Variants in BCKDHB observed in about 807,000 individuals in gnomAD.
BCKDHB encodes 2-oxoisovalerate dehydrogenase subunit beta, mitochondrial.
BCKDHB carries 41 observed loss-of-function variants against 48.5 expected under a neutral mutation model. That is an observed-to-expected ratio of 0.85 (90% confidence interval 0.66 to 1.10). The LOEUF (loss-of-function observed/expected upper bound fraction) is 1.10. Ranked by LOEUF, BCKDHB falls within the 50% of genes least tolerant of loss-of-function variation. The probability of loss-of-function intolerance (pLI) is 0.00; values close to 1 mark genes in which losing one functional copy is unlikely to be tolerated. For synonymous variants in BCKDHB, 201 were observed against 174.8 expected, an observed-to-expected ratio of 1.15 and a Z score of -1.18; for missense variants, 496 against 494.2, an observed-to-expected ratio of 1.00 and a Z score of -0.03.
At chr6:80,136,512 AAT>A (rs1479452040) in intron 3 of BCKDHB, among the ~76,000 whole-genome samples, 2 of 152,172 alleles carry the variant, frequency 1.3e-5, no homozygotes, top group Non-Finnish European at 2.9e-5. Context: ...CTTAGAAGAA[AAT>A]GTAGGGGAAA....
the BCKDHB span, among the ~76,000 whole-genome samples, chr6:80,434,672 G>A: frequency 6.6e-6 from 1 of 152,016 alleles, no homozygotes. Flanking sequence ...TTAGGGCTTT[G>A]TTTTCAACAG....
chr6:80,282,150 G>A (rs891476986), intron 9 of BCKDHB, among the ~76,000 whole-genome samples: 14 of 151,992 alleles, frequency 9.2e-5, no homozygotes, highest in Non-Finnish European at 1.5e-5. Flanking sequence ...TTATTTAAAG[G>A]GTCAGAAACA....
chr6:80,333,445 C>A (rs543205878), intron 9 of BCKDHB, among the ~76,000 whole-genome samples: 22 of 152,224 alleles, frequency 1.4e-4, no homozygotes, highest in African/African-American at 5.1e-4. Context: ...GTTCTTTGTA[C>A]ACATGCACAT....
chr6:80,272,505 T>C (rs2127964107), intron 8 of BCKDHB, among the ~76,000 whole-genome samples: 1 of 152,298 alleles, frequency 6.6e-6, no homozygotes, highest in East Asian at 1.9e-4. Context: ...TTACAGAGTG[T>C]ATCATGCACA....
chr6:80,109,534 G>T (rs1386175361), intron 1 of BCKDHB, among the ~76,000 whole-genome samples: 1 of 152,154 alleles, frequency 6.6e-6, no homozygotes, highest in Non-Finnish European at 1.5e-5. Context: ...AATAGTGTGA[G>T]TATTGGATAT....
chr6:80,233,835 C>G (rs781109843), intron 8 of BCKDHB, among the ~76,000 whole-genome samples: 1 of 152,062 alleles, frequency 6.6e-6, no homozygotes, highest in Non-Finnish European at 1.5e-5. Context: ...ATAAGCCAAA[C>G]AGAACATAAA....
At chr6:80,154,685 A>G (rs138712325) in intron 3 of BCKDHB, among the ~76,000 whole-genome samples, 2 of 152,174 alleles carry the variant, frequency 1.3e-5, no homozygotes, top group Non-Finnish European at 2.9e-5. Context: ...ATAATGTATT[A>G]AAAAGTAAAA....
At chr6:80,142,752 C>T (rs973966204) in intron 3 of BCKDHB, among the ~76,000 whole-genome samples, 1 of 151,992 alleles carries the variant, frequency 6.6e-6, no homozygotes, top group Admixed American at 6.6e-5. Flanking sequence ...TATCTTTTGT[C>T]AGAGTCATTT....
chr6:80,140,447 C>T (rs375531694), intron 3 of BCKDHB, among the ~76,000 whole-genome samples: 3 of 150,600 alleles, frequency 2.0e-5, no homozygotes, highest in African/African-American at 7.4e-5. Flanking sequence ...GGTTTGTCAT[C>T]GATAGCTCTT....
At chr6:80,296,102 T>C (rs913569761) in intron 9 of BCKDHB, among the ~76,000 whole-genome samples, 2 of 152,228 alleles carry the variant, frequency 1.3e-5, no homozygotes, top group East Asian at 1.9e-4. Flanking sequence ...ACTCCTGTTC[T>C]GCTTGATATT....
At chr6:80,138,533 A>G (rs1348637575) in intron 3 of BCKDHB, among the ~76,000 whole-genome samples, 1 of 151,748 alleles carries the variant, frequency 6.6e-6, no homozygotes, top group East Asian at 1.9e-4. Flanking sequence ...TATGAGTGAG[A>G]ATATGTGGTG....
intron 6 of BCKDHB, among the ~76,000 whole-genome samples, chr6:80,182,335 A>G (rs767529194): frequency 4.8e-4 from 73 of 152,156 alleles, no homozygotes; most frequent in Non-Finnish European, 9.3e-4. Flanking sequence ...TATTCATGGA[A>G]TAGGACCCAG....
intron 9 of BCKDHB, among the ~76,000 whole-genome samples, chr6:80,302,742 A>G (rs1767652788): frequency 6.6e-6 from 1 of 152,184 alleles, no homozygotes; most frequent in African/African-American, 2.4e-5. Flanking sequence ...TTAGCTTTAA[A>G]CCATATTCTG....
intron 8 of BCKDHB, among the ~76,000 whole-genome samples, 184 bp downstream of exon 8, chr6:80,203,396 C>A (rs1050344065): frequency 1.3e-5 from 2 of 152,090 alleles, no homozygotes; most frequent in African/African-American, 2.4e-5. Context: ...AAACAAATCA[C>A]TATAGAATTT....
chr6:80,109,674 C>T (rs1769312960), intron 1 of BCKDHB, among the ~76,000 whole-genome samples: 1 of 152,014 alleles, frequency 6.6e-6, no homozygotes. Context: ...TTTATTTTTA[C>T]TTAAGAATTG....
the BCKDHB span, among the ~76,000 whole-genome samples, chr6:80,411,561 G>A: frequency 1.3e-5 from 2 of 152,238 alleles, no homozygotes; most frequent in Non-Finnish European, 2.9e-5. Flanking sequence ...GCTATACCCT[G>A]CCCACAGAGG....
the BCKDHB span, among the ~76,000 whole-genome samples, chr6:80,400,719 A>T: frequency 5.1e-3 from 773 of 152,088 alleles, 5 homozygotes; most frequent in African/African-American, 0.017. Flanking sequence ...CTGGGTACAT[A>T]TCCCCAAGGA....
At chr6:80,220,734 C>CT (rs67235328) in intron 8 of BCKDHB, among the ~76,000 whole-genome samples, 16,537 of 121,908 alleles carry the variant, frequency 0.14, 1,634 homozygotes, top group South Asian at 0.25. Flanking sequence ...TTTTCTTTTT[C>CT]TTTTTTTTTT....
At chr6:80,289,494 G>A (rs1766801330) in intron 9 of BCKDHB, among the ~76,000 whole-genome samples, 1 of 152,082 alleles carries the variant, frequency 6.6e-6, no homozygotes, top group South Asian at 2.1e-4. Context: ...ACTGTAATCT[G>A]GGCAGATCTT....
Sources: allele counts gnomAD v4.1 joint callset (sites outside exome capture counted in the v4.1 genomes callset), GRCh38; gene constraint gnomAD v4.1.1; transcripts MANE v1.5; gene names NCBI Gene and HGNC (gene_info 2026-07-23, HGNC 2026-07-21).